TEX11: variants seen among roughly 807,000 people sequenced by gnomAD.
The protein encoded by TEX11 is testis expressed 11.
Under a neutral mutation model 84.4 loss-of-function variants are expected in TEX11, and 7 were observed. The ratio of observed to expected loss-of-function variants is 0.08; its 90% CI spans 0.05 to 0.16. The LOEUF is 0.16. TEX11 is among the 10% of genes least tolerant of loss of function. TEX11 has a pLI of 1.00. For synonymous variants in TEX11, 264 were observed against 222.8 expected, an observed-to-expected ratio of 1.18 and a Z score of -1.64; for missense variants, 551 against 660.5, an observed-to-expected ratio of 0.83 and a Z score of 1.82.
chrX:70,607,226 C>A (rs1310487624), intron 22 of TEX11, among the ~76,000 whole-genome samples, 197 bp from the exon 23 acceptor site: 1 of 111,285 alleles, frequency 9.0e-6, no homozygotes, highest in African/African-American at 3.3e-5. Context: ...CAATTCCAAT[C>A]TTCAACACTA....
chrX:70,546,342 G>C (rs1352514921), intron 28 of TEX11, among the ~76,000 whole-genome samples: 1 of 111,878 alleles, frequency 8.9e-6, no homozygotes, highest in Non-Finnish European at 1.9e-5. Context: ...GTTGGGCAAA[G>C]ATTTCTCAGC....
In TEX11 at chrX:70,555,475, G is replaced by A. The variant is rs993161265; in HGVS notation, c.2141-675C>T. 4.5e-5 allele frequency among the ~76,000 whole-genome samples: 5 copies of A among 112,147 alleles called. No individual in the cohort carries two copies. In the East Asian group the frequency reaches 8.4e-4, roughly 19 times the overall value. Reference sequence around the variant, plus strand: ...TGAGTTTTTACATGTGTTTAAACCCGTGTAATAACTACCTAGATTGTGATA... The same window carrying A: ...TGAGTTTTTACATGTGTTTAAACCCATGTAATAACTACCTAGATTGTGATA... On this transcript the variant is annotated intron_variant, in intron 25 of 29. Coordinates refer to ENST00000374333, the MANE Select transcript of TEX11 (RefSeq NM_031276.3).
intron 13 of TEX11, among the ~76,000 whole-genome samples, chrX:70,718,794 G>A (rs748229212): frequency 5.4e-4 from 60 of 111,408 alleles, no homozygotes; most frequent in Admixed American, 2.8e-3. Flanking sequence ...ACAGAGACTA[G>A]TCAACATTGG....
rs764217948 is a variant in TEX11, at chrX:70,578,072, A to T, written c.2140+13679T>A. On this transcript the variant is annotated intron_variant, in intron 25 of 29. Coordinates refer to ENST00000374333, the MANE Select transcript of TEX11 (RefSeq NM_031276.3). ...ACTGACTGAGATGCCCAATGGATAC[A>T]CTTGACAGGGCCAGGTAAATTGTGT... is the stretch of plus-strand genomic sequence containing the variant. 4.5e-5 allele frequency among the ~76,000 whole-genome samples: 5 copies of T among 112,022 alleles called. No individual in the cohort carries two copies. The East Asian group carries it at 1.4e-3, about 31-fold the overall frequency.
chrX:70,722,836 C>A (rs1488015733), intron 12 of TEX11, 140 bp from the exon 13 acceptor site: 1 of 482,281 alleles, frequency 2.1e-6, no homozygotes, highest in East Asian at 3.8e-5. Context: ...TTATCAAAAT[C>A]TTCTTTTAAA....
chrX:70,589,339 A>G (rs764721312), intron 25 of TEX11, among the ~76,000 whole-genome samples: 1 of 109,780 alleles, frequency 9.1e-6, no homozygotes, highest in South Asian at 3.9e-4. Flanking sequence ...AGATACATAT[A>G]TATATGTATA....
chrX:70,852,963 A>T, intron 7 of TEX11, 71 bp downstream of exon 7: 1 of 1,055,089 alleles, frequency 9.5e-7, no homozygotes, highest in Non-Finnish European at 1.3e-6. Context: ...CCAATAGGCT[A>T]TATATCATCA....
At chrX:70,860,958 A>G (rs144220663) in intron 4 of TEX11, 22 bp from the exon 5 acceptor site, 16,618 of 1,038,352 alleles carry the variant, frequency 0.016, 598 homozygotes, top group East Asian at 0.12. Context: ...TAATTAGACA[A>G]TGATAAACAC....
In TEX11 at chrX:70,529,263, G is replaced by A. The variant is rs865845686; in HGVS notation, c.2686-76C>T. ...GAAAGCTTCCCAGACCCACGGTGAT[G>A]GCATGAAAGTCTAACCGTTACCTTC... On this transcript the variant is annotated intron_variant, in intron 29 of 29. Coordinates refer to ENST00000374333, the MANE Select transcript of TEX11 (RefSeq NM_031276.3). The A allele has an allele frequency of 1.5e-5, 11 of 744,522 alleles. No individual in the cohort carries two copies. In the Middle Eastern group the frequency reaches 3.2e-3, roughly 218 times the overall value. The allele number at this position is 744,522 out of a possible 1,213,427, so 61.4% of individuals were successfully genotyped here. A position where few individuals can be genotyped will look rare whatever the true frequency, so the allele number is the denominator to read the frequency against.
At chrX:70,840,022 T>C (rs137942708) in intron 7 of TEX11, among the ~76,000 whole-genome samples, 2,486 of 111,750 alleles carry the variant, frequency 0.022, 75 homozygotes, top group South Asian at 0.17. Context: ...CTGAAAGTGA[T>C]GGGGAGAATG....
intron 18 of TEX11, among the ~76,000 whole-genome samples, chrX:70,628,251 T>G (rs1164633808): frequency 9.2e-6 from 1 of 109,029 alleles, no homozygotes; most frequent in Non-Finnish European, 1.9e-5. Flanking sequence ...AAGCCACTAT[T>G]ACATCAGGCA....
intron 7 of TEX11, among the ~76,000 whole-genome samples, chrX:70,850,589 A>T (rs2147850658): frequency 9.1e-6 from 1 of 109,947 alleles, no homozygotes; most frequent in South Asian, 3.9e-4. Flanking sequence ...AAAAAAAAAA[A>T]AAAAATGTTT....
chrX:70,661,222 G>C (rs971652191), intron 16 of TEX11, among the ~76,000 whole-genome samples: 1 of 112,453 alleles, frequency 8.9e-6, no homozygotes, highest in Non-Finnish European at 1.9e-5. Context: ...CACACCAGGA[G>C]ACTGTATCCC....
intron 15 of TEX11, among the ~76,000 whole-genome samples, chrX:70,674,926 A>G (rs978367726): frequency 1.9e-5 from 2 of 107,961 alleles, no homozygotes; most frequent in African/African-American, 6.8e-5. Flanking sequence ...TATTTTTATG[A>G]TTTGATTTTA....
At chrX:70,886,821 T>C (rs2091711689) in intron 2 of TEX11, among the ~76,000 whole-genome samples, 1 of 111,826 alleles carries the variant, frequency 8.9e-6, no homozygotes, top group African/African-American at 3.2e-5. Context: ...AATGTTAAGT[T>C]TTGGAAGGCA....
At chrX:70,704,464 A>G (rs1248772569) in intron 13 of TEX11, among the ~76,000 whole-genome samples, 1 of 111,699 alleles carries the variant, frequency 9.0e-6, no homozygotes, top group Non-Finnish European at 1.9e-5. Flanking sequence ...TCAGTGAATG[A>G]TAGCTATTAT....
intron 9 of TEX11, among the ~76,000 whole-genome samples, chrX:70,772,699 C>T (rs1473997215): frequency 3.6e-5 from 4 of 111,174 alleles, no homozygotes; most frequent in African/African-American, 1.3e-4. Flanking sequence ...AAAATAATCA[C>T]CTTAAAGGAG....
Position 70,578,863 on chromosome X carries a change from C to T in TEX11, c.2140+12888G>A, listed in dbSNP as rs187030692. ...TTGGCTCACTGCAACCTCTGCCTCCCGGGTTCGAGCAATTCTCCTGCCTCA... is the reference window on the plus strand; with the variant it reads ...TTGGCTCACTGCAACCTCTGCCTCCTGGGTTCGAGCAATTCTCCTGCCTCA... On this transcript the variant is annotated intron_variant, in intron 25 of 29. Transcript: ENST00000374333. 3.5e-3 allele frequency among the ~76,000 whole-genome samples: 356 copies of T among 102,878 alleles called. 3 individuals carry two copies. Among genetic ancestry groups the T allele is most frequent in the African/African-American group, 0.012 (334 of 27,731 alleles). 89.3% of individuals were successfully genotyped at this position (102,878 alleles called of 115,157 possible).
At chrX:70,694,701 A>G in intron 13 of TEX11, among the ~76,000 whole-genome samples, 1 of 112,251 alleles carries the variant, frequency 8.9e-6, no homozygotes, top group Admixed American at 9.5e-5. Flanking sequence ...TTGCTGTAAC[A>G]GAATACCTAA....
Sources: gnomAD v4.1 joint callset for allele counts (sites outside exome capture counted in the v4.1 genomes callset) on GRCh38, gnomAD v4.1.1 for gene constraint, MANE v1.5 for transcripts, NCBI Gene and HGNC (gene_info 2026-07-23, HGNC 2026-07-21) for gene names.